DIP2C: variants seen among roughly 807,000 people sequenced by gnomAD.
DIP2C encodes DIP2 acetate--CoA ligase C (putative), also known as disco-interacting protein 2 homolog C.
In DIP2C, 33 loss-of-function variants were observed where a neutral mutation model predicts 192.4. That is an observed-to-expected ratio of 0.17 (90% confidence interval 0.13 to 0.23). The LOEUF is 0.23. Ranked by LOEUF, DIP2C falls within the 10% of genes least tolerant of loss-of-function variation. DIP2C has a pLI of 1.00. For synonymous variants in DIP2C, 979 were observed against 864.1 expected (o/e 1.13, Z -2.33); for missense variants, 1,537 against 2,110.1 (o/e 0.73, Z 5.32).
intron 1 of DIP2C, among the ~76,000 whole-genome samples, chr10:567,905 T>G (rs529427799): frequency 1.3e-5 from 2 of 152,312 alleles, no homozygotes; most frequent in African/African-American, 4.8e-5. Context: ...ACTGGGATTA[T>G]AGGTGTGAGC....
At chr10:444,766 T>C (rs1230634816) in intron 3 of DIP2C, among the ~76,000 whole-genome samples, 1 of 152,276 alleles carries the variant, frequency 6.6e-6, no homozygotes, top group African/African-American at 2.4e-5. Flanking sequence ...CAGTATTTTG[T>C]ACATTTTTCC....
intron 1 of DIP2C, among the ~76,000 whole-genome samples, chr10:578,420 A>G (rs575165903): frequency 1.3e-5 from 2 of 152,344 alleles, no homozygotes; most frequent in South Asian, 2.1e-4. Flanking sequence ...CAGCTGCTAT[A>G]TTAGTTCTAC....
rs1358627438 is a variant in DIP2C at position 579,139 on chromosome 10, G to A, written c.86-92609C>T. Among the ~76,000 whole-genome samples the A allele has an allele frequency of 4.0e-5, 6 of 151,708 alleles. No individual in the cohort carries two copies. The South Asian group carries it at 8.3e-4, about 21-fold the overall frequency. On this transcript the variant is annotated intron_variant, in intron 1 of 36. Transcript: ENST00000280886. ...CATAGGTACACTAACATGTGTACAT[G>A]CGTAGAGCATACACCCAGATACAGT... is the stretch of plus-strand genomic sequence containing the variant.
chr10:530,494 G>A (rs1438289405), intron 1 of DIP2C, among the ~76,000 whole-genome samples: 2 of 151,910 alleles, frequency 1.3e-5, no homozygotes, highest in Non-Finnish European at 2.9e-5. Context: ...GGGGTGAGAG[G>A]AGTAGGGTTT....
At position 277,293 on chromosome 10, in the gene DIP2C, C is replaced by G. The variant is rs370346712; in HGVS notation, c.*32G>C. On this transcript the variant is annotated 3_prime_UTR_variant, in exon 37 of 37. Coordinates refer to ENST00000280886, the MANE Select transcript of DIP2C (RefSeq NM_014974.3). ...GACACGGAGAACAATGTCTACATCTCTAGAAAAGTCCATGGAAGCCAAGAG... is the reference window on the plus strand; with the variant it reads ...GACACGGAGAACAATGTCTACATCTGTAGAAAAGTCCATGGAAGCCAAGAG... 7 of 1,609,636 alleles carry G rather than the reference C, an allele frequency of 4.3e-6. No individual in the cohort carries two copies. In the African/African-American group the frequency reaches 8.0e-5, roughly 18 times the overall value.
In DIP2C at chr10:348,779, A is replaced by C. The variant is rs759046426; in HGVS notation, c.3110-17T>G. ...GGTCTATTCCTACACAAGGAGAGAAACATCATCATTGAAGCAGACCACGCT... is the reference window on the plus strand; with the variant it reads ...GGTCTATTCCTACACAAGGAGAGAACCATCATCATTGAAGCAGACCACGCT... On this transcript the variant is annotated splice_polypyrimidine_tract_variant and intron_variant, in intron 25 of 36. Coordinates refer to ENST00000280886, the MANE Select transcript of DIP2C (RefSeq NM_014974.3). 6.2e-7 allele frequency: 1 copy of C among 1,611,980 alleles called. No homozygotes were observed. Among genetic ancestry groups the C allele is most frequent in the Admixed American group, 1.7e-5 (1 of 59,394 alleles).
chr10:445,631 T>TCACAGG lies in DIP2C; in HGVS notation c.269-4636_269-4635insCCTGTG, dbSNP rs1968119800. ...CTGTATACAACTGTTGCGAAGAGTCTATCTTGCACTGGGCATCTGTATACA... is the reference window on the plus strand; with the variant it reads ...CTGTATACAACTGTTGCGAAGAGTCTCACAGGATCTTGCACTGGGCATCTGTATACA... On this transcript the variant is annotated intron_variant, in intron 3 of 36. Transcript: ENST00000280886. 4.4e-5 allele frequency among the ~76,000 whole-genome samples: 5 copies of TCACAGG among 112,664 alleles called. No homozygotes were observed. In the South Asian group the frequency reaches 1.2e-3, roughly 26 times the overall value. The allele number at this position is 112,664 out of a possible 152,430, so 73.9% of individuals were successfully genotyped here. A position where few individuals can be genotyped will look rare whatever the true frequency, so the allele number is the denominator to read the frequency against.
chr10:343,688 T>TGC (rs1319462819), intron 28 of DIP2C, among the ~76,000 whole-genome samples: 1 of 152,206 alleles, frequency 6.6e-6, no homozygotes, highest in African/African-American at 2.4e-5. Flanking sequence ...AGTCAAACCC[T>TGC]GCCTCCTAAA....
intron 1 of DIP2C, among the ~76,000 whole-genome samples, chr10:676,435 T>C (rs1466025390): frequency 6.6e-6 from 1 of 151,228 alleles, no homozygotes; most frequent in East Asian, 2.0e-4. Context: ...GAGAAAGAAA[T>C]CAAGGGCACC....
intron 3 of DIP2C, among the ~76,000 whole-genome samples, chr10:446,004 G>T (rs773562513): frequency 6.6e-6 from 1 of 150,966 alleles, no homozygotes; most frequent in Non-Finnish European, 1.5e-5. Flanking sequence ...TACATCAGTC[G>T]TGAAGAGTCT....
intron 1 of DIP2C, among the ~76,000 whole-genome samples, chr10:620,993 G>A (rs902652774): frequency 1.3e-5 from 2 of 152,166 alleles, no homozygotes; most frequent in African/African-American, 4.8e-5. Context: ...GCATTTGAAC[G>A]TTCTTGTAGT....
At chr10:357,230 G>T (rs1023592277) in intron 23 of DIP2C, among the ~76,000 whole-genome samples, 2 of 152,328 alleles carry the variant, frequency 1.3e-5, no homozygotes, top group Admixed American at 6.5e-5. Flanking sequence ...GGACGCACAC[G>T]GCACAATGTG....
intron 29 of DIP2C, among the ~76,000 whole-genome samples, chr10:333,278 G>A (rs183722961): frequency 5.8e-4 from 89 of 152,308 alleles, no homozygotes; most frequent in Admixed American, 3.1e-3. Context: ...TTTAAGCACA[G>A]AATGGCTTTT....
At chr10:296,241 T>G (rs1282540130) in intron 32 of DIP2C, among the ~76,000 whole-genome samples, 1 of 152,250 alleles carries the variant, frequency 6.6e-6, no homozygotes, top group Non-Finnish European at 1.5e-5. Flanking sequence ...TTCTAGGGTT[T>G]TTATGGTTTT....
chr10:342,793 G>GAC (rs560047925), intron 28 of DIP2C, among the ~76,000 whole-genome samples: 53 of 152,286 alleles, frequency 3.5e-4, no homozygotes, highest in African/African-American at 1.2e-3. Flanking sequence ...ATCATGACCA[G>GAC]ACAGTGAAGA....
chr10:399,943 T>C (rs1964284739), intron 9 of DIP2C, among the ~76,000 whole-genome samples: 1 of 152,228 alleles, frequency 6.6e-6, no homozygotes, highest in South Asian at 2.1e-4. Context: ...TCCTGCCAGC[T>C]CAGCCTCTCT....
intron 35 of DIP2C, among the ~76,000 whole-genome samples, chr10:282,538 C>A (rs979527321): frequency 1.3e-5 from 2 of 152,222 alleles, no homozygotes; most frequent in Admixed American, 1.3e-4. Flanking sequence ...ACCTCAACTG[C>A]CACTGTTGTG....
chr10:504,476 C>A (rs892290946), intron 1 of DIP2C, among the ~76,000 whole-genome samples: 3 of 152,228 alleles, frequency 2.0e-5, no homozygotes, highest in African/African-American at 7.2e-5. Flanking sequence ...CCTAGCACAG[C>A]CACCTTAGGC....
chr10:486,446 G>A lies in DIP2C; in HGVS notation c.157+13C>T. On this transcript the variant is annotated intron_variant, in intron 2 of 36. Coordinates refer to ENST00000280886, the MANE Select transcript of DIP2C (RefSeq NM_014974.3). ...AAATGAGAGGACTCATGCTACTCATGGGGGTTACCTACTCGGAGGCTGCGG... is the reference window on the plus strand; with the variant it reads ...AAATGAGAGGACTCATGCTACTCATAGGGGTTACCTACTCGGAGGCTGCGG... 3 of 1,593,064 alleles carry A rather than the reference G, an allele frequency of 1.9e-6. No individual in the cohort carries two copies. Among genetic ancestry groups the A allele is most frequent in the Non-Finnish European group, 2.6e-6 (3 of 1,170,306 alleles).
Sources: gnomAD v4.1 joint callset for allele counts (sites outside exome capture counted in the v4.1 genomes callset) on GRCh38, gnomAD v4.1.1 for gene constraint, MANE v1.5 for transcripts, NCBI Gene and HGNC (gene_info 2026-07-23, HGNC 2026-07-21) for gene names.